TUT4: variants seen among roughly 807,000 people sequenced by gnomAD.
The protein encoded by TUT4 is terminal uridylyltransferase 4.
In TUT4, 36 loss-of-function variants were observed where a neutral mutation model predicts 192.2. That is an observed-to-expected ratio of 0.19 (90% CI 0.14 to 0.25). The LOEUF (loss-of-function observed/expected upper bound fraction) is 0.25, where lower values mean the gene tolerates loss of function less well. TUT4 is among the 10% of genes least tolerant of loss of function. TUT4 has a pLI of 1.00. For missense variants in TUT4, 1,493 were observed against 1,957.2 expected (o/e 0.76, Z 4.47); for synonymous variants, 618 against 666.0 (o/e 0.93, Z 1.11).
intron 16 of TUT4, chr1:52,463,592 C>T: frequency 2.4e-6 from 3 of 1,275,380 alleles, no homozygotes; most frequent in Non-Finnish European, 3.1e-6. Flanking sequence ...GGCCTCACCC[C>T]AATCTTGCAA....
intron 2 of TUT4, among the ~76,000 whole-genome samples, chr1:52,519,921 A>G (rs1679780414): frequency 6.6e-6 from 1 of 151,548 alleles, no homozygotes; most frequent in Non-Finnish European, 1.5e-5. Context: ...TGGGAGGCTG[A>G]GGCAGGAGAA....
chr1:52,457,069 G>A (rs1167238775), intron 20 of TUT4, among the ~76,000 whole-genome samples: 1 of 152,056 alleles, frequency 6.6e-6, no homozygotes, highest in East Asian at 1.9e-4. Flanking sequence ...ACCCAACACA[G>A]ATTCAGCAAC....
chr1:52,461,470 T>G, intron 18 of TUT4, 43 bp downstream of exon 18: 2 of 1,557,186 alleles, frequency 1.3e-6, no homozygotes, highest in Non-Finnish European at 1.8e-6. Context: ...CTGTAAACTT[T>G]TAAAATGAAA....
chr1:52,470,288 A>G (rs113937514), intron 14 of TUT4, among the ~76,000 whole-genome samples: 98 of 152,326 alleles, frequency 6.4e-4, no homozygotes, highest in African/African-American at 2.2e-3. Context: ...GAACAAAAGA[A>G]AATTATATTC....
chr1:52,489,166 A>C, intron 8 of TUT4, 131 bp from the exon 9 acceptor site: 1 of 848,656 alleles, frequency 1.2e-6, no homozygotes, highest in Non-Finnish European at 1.6e-6. Context: ...ATAAAAACAA[A>C]TGTTTTAATA....
intron 28 of TUT4, among the ~76,000 whole-genome samples, chr1:52,429,284 A>G (rs932053646): frequency 2.8e-4 from 43 of 151,636 alleles, no homozygotes; most frequent in African/African-American, 1.0e-3. Flanking sequence ...ACGGGGTTTC[A>G]CCGTGTTAGC....
chr1:52,509,569 T>C, intron 4 of TUT4, 27 bp downstream of exon 4: 1 of 1,189,638 alleles, frequency 8.4e-7, no homozygotes, highest in Non-Finnish European at 1.2e-6. Flanking sequence ...GAAAAATAAA[T>C]AAAAGTATTT....
intron 3 of TUT4, among the ~76,000 whole-genome samples, chr1:52,512,289 T>C (rs1384333998): frequency 6.6e-6 from 1 of 152,262 alleles, no homozygotes; most frequent in Non-Finnish European, 1.5e-5. Context: ...CTCATCTTTA[T>C]TTCTTACTAC....
At chr1:52,507,617 G>A (rs1247406788) in intron 4 of TUT4, among the ~76,000 whole-genome samples, 1 of 152,108 alleles carries the variant, frequency 6.6e-6, no homozygotes, top group African/African-American at 2.4e-5. Context: ...TACGGGCTGA[G>A]CATCCCTAAT....
intron 6 of TUT4, 104 bp from the exon 7 acceptor site, chr1:52,493,766 C>A: frequency 1.3e-6 from 1 of 747,472 alleles, no homozygotes; most frequent in South Asian, 1.6e-5. Flanking sequence ...TAAATATAAT[C>A]ATGCTTTGTG....
intron 27 of TUT4, chr1:52,433,527 T>C (rs2148197755): frequency 6.6e-6 from 1 of 152,302 alleles, no homozygotes; most frequent in East Asian, 1.9e-4. Flanking sequence ...AGATTAACTA[T>C]ATTTTAGGCA....
At chr1:52,549,825 C>T (rs1571585418) in intron 1 of TUT4, among the ~76,000 whole-genome samples, 1 of 152,090 alleles carries the variant, frequency 6.6e-6, no homozygotes, top group Admixed American at 6.6e-5. Flanking sequence ...CAGTGTCTAG[C>T]GCAGTGCCTG....
intron 24 of TUT4, among the ~76,000 whole-genome samples, chr1:52,441,444 A>ATCTTTTTTTTTTTTTTTTTTTT (rs1553160600): frequency 8.3e-6 from 1 of 119,984 alleles, no homozygotes; most frequent in African/African-American, 3.7e-5. Context: ...TCTCGGCTAA[A>ATCTTTTTTTTTTTTTTTTTTTT]TTTTTTTTTT....
At chr1:52,468,457 G>C (rs1664828397) in intron 14 of TUT4, 190 bp from the exon 15 acceptor site, 1 of 489,660 alleles carries the variant, frequency 2.0e-6, no homozygotes, top group Admixed American at 3.9e-5. Context: ...CTGTTTTTCT[G>C]TTTTAGCAAC....
At chr1:52,533,879 T>C (rs1026051086) in intron 1 of TUT4, among the ~76,000 whole-genome samples, 3 of 152,076 alleles carry the variant, frequency 2.0e-5, no homozygotes, top group Admixed American at 6.5e-5. Context: ...GGCACAAAAA[T>C]CGTTTGAACC....
intron 14 of TUT4, among the ~76,000 whole-genome samples, chr1:52,469,715 CCT>C (rs1170519456): frequency 1.3e-5 from 2 of 151,818 alleles, no homozygotes; most frequent in Admixed American, 1.3e-4. Context: ...ACAGTGAAAC[CCT>C]GTCTCTACTA....
intron 1 of TUT4, among the ~76,000 whole-genome samples, chr1:52,527,265 G>A (rs570505716): frequency 6.6e-6 from 1 of 152,146 alleles, no homozygotes; most frequent in East Asian, 1.9e-4. Context: ...AAACCAACAG[G>A]GGCCGGGTGC....
intron 9 of TUT4, among the ~76,000 whole-genome samples, chr1:52,487,178 G>A (rs1324035935): frequency 2.0e-5 from 3 of 152,158 alleles, no homozygotes; most frequent in Non-Finnish European, 2.9e-5. Flanking sequence ...GGGTGCTGTG[G>A]CTCACACCTG....
intron 20 of TUT4, among the ~76,000 whole-genome samples, chr1:52,450,648 A>G (rs1160846184): frequency 6.6e-6 from 1 of 152,220 alleles, no homozygotes; most frequent in South Asian, 2.1e-4. Context: ...TGTTCCTCAT[A>G]TCAACACTGA....
Sources: gnomAD v4.1 joint callset for allele counts (sites outside exome capture counted in the v4.1 genomes callset) on GRCh38, gnomAD v4.1.1 for gene constraint, MANE v1.5 for transcripts, NCBI Gene and HGNC (gene_info 2026-07-23, HGNC 2026-07-21) for gene names.